DAB1: variants seen among roughly 807,000 people sequenced by gnomAD.
DAB1 encodes disabled homolog 1.
In DAB1, 15 loss-of-function variants were observed where a neutral mutation model predicts 64.6. That is an observed-to-expected ratio of 0.23 (90% CI 0.16 to 0.36). The LOEUF is 0.36. DAB1 is among the 10% of genes least tolerant of loss of function. The pLI, the probability that DAB1 is intolerant of heterozygous loss-of-function variation, is 1.00. For missense variants in DAB1, 596 were observed against 706.7 expected (o/e 0.84, Z 1.78); for synonymous variants, 235 against 251.9 (o/e 0.93, Z 0.64).
intron 3 of DAB1, among the ~76,000 whole-genome samples, chr1:58,416,414 T>C (rs945694930): frequency 6.6e-6 from 1 of 152,290 alleles, no homozygotes; most frequent in African/African-American, 2.4e-5. Flanking sequence ...TAGTTATGAT[T>C]CTTCTCTTAT....
At chr1:57,656,326 A>G (rs907880481) in intron 6 of DAB1, among the ~76,000 whole-genome samples, 10 of 151,888 alleles carry the variant, frequency 6.6e-5, no homozygotes, top group African/African-American at 1.7e-4. Flanking sequence ...GTACACACAC[A>G]TTCTATTAGG....
intron 1 of DAB1, among the ~76,000 whole-genome samples, chr1:57,371,026 CA>C (rs1179422154): frequency 1.3e-5 from 2 of 152,136 alleles, no homozygotes; most frequent in African/African-American, 4.8e-5. Context: ...TAATTTTGGT[CA>C]TAGCTCTGGC....
intron 6 of DAB1, among the ~76,000 whole-genome samples, chr1:57,650,537 C>G (rs951689307): frequency 6.6e-6 from 1 of 152,138 alleles, no homozygotes; most frequent in African/African-American, 2.4e-5. Context: ...GTTCACTATA[C>G]AGAAAATATA....
chr1:57,700,340 T>C (rs1244604469), intron 6 of DAB1, among the ~76,000 whole-genome samples: 1 of 152,256 alleles, frequency 6.6e-6, no homozygotes, highest in African/African-American at 2.4e-5. Context: ...AATCATTGTA[T>C]GTGTCTCATC....
chr1:57,061,797 C>T (rs924447460), intron 9 of DAB1, among the ~76,000 whole-genome samples: 2 of 152,138 alleles, frequency 1.3e-5, no homozygotes, highest in Non-Finnish European at 2.9e-5. Flanking sequence ...GCAGATGTGC[C>T]TTTATGTCTC....
At chr1:57,688,895 T>C (rs1349413060) in intron 6 of DAB1, among the ~76,000 whole-genome samples, 1 of 152,074 alleles carries the variant, frequency 6.6e-6, no homozygotes, top group African/African-American at 2.4e-5. Flanking sequence ...ATGGGAACAA[T>C]AGACACTGTG....
intron 4 of DAB1, among the ~76,000 whole-genome samples, chr1:58,328,021 G>A (rs1662878255): frequency 6.6e-6 from 1 of 152,262 alleles, no homozygotes; most frequent in East Asian, 1.9e-4. Context: ...AGGCAGAGGT[G>A]TAAAGATTCA....
In DAB1 at chr1:57,447,062, T is replaced by C. The variant is rs185121483; in HGVS notation, n.626-155896A>G. ...GTGAATCACACACTGTGCTAGGCAC[T>C]GATAATAAAGGAATGAAATACTAGT... On this transcript the variant is annotated intron_variant and non_coding_transcript_variant, in intron 7 of 20. Coordinates refer to the DAB1 transcript ENST00000485760. Among the ~76,000 whole-genome samples, 330 of 152,314 alleles carry C rather than the reference T, an allele frequency of 2.2e-3. 1 individual carries two copies. The highest frequency in any genetic ancestry group is 3.2e-3 in the Non-Finnish European group (215 of 68,026).
rs181242844 is a variant in DAB1, at chr1:58,391,008, G to A, written n.258-47605C>T. Among the ~76,000 whole-genome samples, 5 of 152,286 alleles carry A rather than the reference G, an allele frequency of 3.3e-5. No individual in the cohort carries two copies. The East Asian group carries it at 7.7e-4, about 23-fold the overall frequency. On this transcript the variant is annotated intron_variant and non_coding_transcript_variant, in intron 3 of 20. Coordinates refer to the DAB1 transcript ENST00000485760. ...TCGTCATCTGAAAATTATCCTGGGA[G>A]GTAGGCAATCGCGGTCCCATCATAC...
rs1246258601 is a variant in DAB1 at position 57,882,564 on chromosome 1, T to C, written n.87+1435A>G. On this transcript the variant is annotated intron_variant and non_coding_transcript_variant, in intron 1 of 1. Coordinates refer to the DAB1 transcript ENST00000477280. ...GCTTTTGTACATAATAGGTGCCTCATAGGTGTTAAGCAGATAGAGTTGGCC... is the reference window on the plus strand; with the variant it reads ...GCTTTTGTACATAATAGGTGCCTCACAGGTGTTAAGCAGATAGAGTTGGCC... Among the ~76,000 whole-genome samples, 20 of 152,190 alleles carry C rather than the reference T, an allele frequency of 1.3e-4. 1 individual carries two copies. The highest frequency in any genetic ancestry group is 1.0e-3 in the Admixed American group (16 of 15,274).
intron 4 of DAB1, among the ~76,000 whole-genome samples, chr1:58,255,795 G>A (rs951875056): frequency 3.3e-5 from 5 of 152,162 alleles, no homozygotes; most frequent in African/African-American, 4.8e-5. Flanking sequence ...CTAATGTGGT[G>A]ACAGACTCAA....
intron 4 of DAB1, among the ~76,000 whole-genome samples, chr1:57,092,520 G>T (rs150178382): frequency 6.6e-6 from 1 of 151,998 alleles, no homozygotes; most frequent in Non-Finnish European, 1.5e-5. Context: ...TTGGGAAGAC[G>T]GTACTTGCTT....
intron 1 of DAB1, among the ~76,000 whole-genome samples, chr1:57,393,288 C>G (rs890913301): frequency 1.3e-5 from 2 of 152,098 alleles, no homozygotes; most frequent in South Asian, 4.1e-4. Context: ...GTCATTACTG[C>G]CAGTGATTCA....
At chr1:58,040,037 G>T (rs527658883) in intron 5 of DAB1, among the ~76,000 whole-genome samples, 1 of 152,292 alleles carries the variant, frequency 6.6e-6, no homozygotes, top group South Asian at 2.1e-4. Context: ...GGGGTGGGCA[G>T]CTGGGAGGAA....
intron 5 of DAB1, among the ~76,000 whole-genome samples, chr1:58,047,381 G>A (rs1228203089): frequency 1.3e-5 from 2 of 152,198 alleles, no homozygotes; most frequent in African/African-American, 2.4e-5. Context: ...AGCCACGTGT[G>A]GTTGGACAGT....
intron 3 of DAB1, among the ~76,000 whole-genome samples, chr1:58,394,349 T>A (rs1214184360): frequency 6.6e-6 from 1 of 152,104 alleles, no homozygotes; most frequent in African/African-American, 2.4e-5. Flanking sequence ...AACATAGAAA[T>A]CCTAGTCCTG....
intron 5 of DAB1, among the ~76,000 whole-genome samples, chr1:58,075,753 C>T (rs3118212): frequency 0.56 from 84,953 of 151,960 alleles, 24,331 homozygotes; most frequent in Middle Eastern, 0.65. Context: ...GACTCTCTCT[C>T]CCTCTCCTGT....
chr1:57,702,388 A>G (rs2101732220), intron 6 of DAB1, among the ~76,000 whole-genome samples: 1 of 152,284 alleles, frequency 6.6e-6, no homozygotes, highest in South Asian at 2.1e-4. Context: ...TCATGCAAAA[A>G]GAAGTATCAT....
chr1:57,002,259 T>G (rs1570463623), intron 14 of DAB1, among the ~76,000 whole-genome samples: 1 of 152,320 alleles, frequency 6.6e-6, no homozygotes, highest in Middle Eastern at 3.4e-3. Context: ...GACTAAGTCA[T>G]GCAGGCCTAG....
Sources: allele counts gnomAD v4.1 joint callset (sites outside exome capture counted in the v4.1 genomes callset), GRCh38; gene constraint gnomAD v4.1.1; transcripts MANE v1.5; gene names NCBI Gene and HGNC (gene_info 2026-07-23, HGNC 2026-07-21).